The following ACER3 variants were observed in gnomAD, a reference collection of about 807,000 sequenced individuals.
ACER3 encodes the protein alkaline ceramidase 3, also known as alkCDase 3.
A neutral mutation model predicts 48.9 loss-of-function variants in ACER3; 16 were observed. The observed-to-expected ratio is 0.33, with a 90% CI of 0.22 to 0.50. The LOEUF is 0.50. ACER3 is among the 20% of genes least tolerant of loss of function. The pLI is 0.98. For missense variants in ACER3, 227 were observed against 326.0 expected (o/e 0.70, Z 2.34); for synonymous variants, 109 against 107.8 (o/e 1.01, Z -0.07).
chr11:76,908,636 T>C (rs552630804), intron 1 of ACER3, among the ~76,000 whole-genome samples: 47 of 152,242 alleles, frequency 3.1e-4, no homozygotes, highest in Non-Finnish European at 2.9e-5. Flanking sequence ...TGCTCACAGA[T>C]AGAAAGAATC....
intron 7 of ACER3, 91 bp downstream of exon 7, chr11:76,998,912 G>T: frequency 2.0e-6 from 2 of 988,664 alleles, no homozygotes; most frequent in South Asian, 1.8e-5. Context: ...ACACATAAAA[G>T]CTCACTTCAG....
chr11:77,002,614 A>G (rs1334767547), intron 7 of ACER3, among the ~76,000 whole-genome samples: 1 of 152,184 alleles, frequency 6.6e-6, no homozygotes. Context: ...ATTTCATTAA[A>G]TGATTTGGGA....
chr11:77,022,172 A>C lies in ACER3; in HGVS notation c.*1845A>C, dbSNP rs1298381293. 6.6e-6 allele frequency: 1 copy of C among 152,236 alleles called. No individual in the cohort carries two copies. Among genetic ancestry groups the C allele is most frequent in the African/African-American group, 2.4e-5 (1 of 41,464 alleles). The allele number at this position is 152,236 out of a possible 1,614,324, so 9.4% of individuals were successfully genotyped here. ...ACTTCTGCATAAAGAGTATATATAC[A>C]GTGTAGGATAAAGGCATATCGTACA... On this transcript the variant is annotated 3_prime_UTR_variant, in exon 11 of 11. Coordinates refer to ENST00000532485, the MANE Select transcript of ACER3 (RefSeq NM_018367.7).
intron 7 of ACER3, among the ~76,000 whole-genome samples, chr11:77,008,909 A>C (rs1796201130): frequency 6.6e-6 from 1 of 152,052 alleles, no homozygotes; most frequent in Non-Finnish European, 1.5e-5. Context: ...GAAATTTAAA[A>C]ATTAGCCAGG....
chr11:76,969,817 G>T, intron 3 of ACER3, among the ~76,000 whole-genome samples: 1 of 110,640 alleles, frequency 9.0e-6, no homozygotes, highest in African/African-American at 3.7e-5. Flanking sequence ...AGGGGGGAGG[G>T]ATAGCATTAG....
At chr11:76,960,237 C>T (rs1565200686) in intron 3 of ACER3, among the ~76,000 whole-genome samples, 2 of 152,002 alleles carry the variant, frequency 1.3e-5, no homozygotes, top group South Asian at 2.1e-4. Flanking sequence ...GTGGAAACCC[C>T]GTCTCTACTA....
chr11:76,959,341 A>G, intron 3 of ACER3: 1 of 731,062 alleles, frequency 1.4e-6, no homozygotes, highest in Non-Finnish European at 1.9e-6. Context: ...CACCAGAACA[A>G]TATATTCTTA....
intron 4 of ACER3, among the ~76,000 whole-genome samples, chr11:76,984,536 A>G (rs1045618855): frequency 6.6e-6 from 1 of 152,198 alleles, no homozygotes; most frequent in Non-Finnish European, 1.5e-5. Context: ...GCCTATACCA[A>G]GTCACAGTCC....
intron 1 of ACER3, among the ~76,000 whole-genome samples, chr11:76,913,052 TG>T (rs1565173319): frequency 6.6e-6 from 1 of 152,304 alleles, no homozygotes; most frequent in East Asian, 1.9e-4. Flanking sequence ...AAAAAAACAA[TG>T]GTTTGTAGTT....
chr11:76,897,913 G>C (rs1945976403), intron 1 of ACER3, among the ~76,000 whole-genome samples: 1 of 152,188 alleles, frequency 6.6e-6, no homozygotes, highest in East Asian at 1.9e-4. Flanking sequence ...TTGGGATATA[G>C]TAGAAGTTCT....
At chr11:76,995,437 C>A (rs975267512) in intron 6 of ACER3, among the ~76,000 whole-genome samples, 3 of 152,136 alleles carry the variant, frequency 2.0e-5, no homozygotes, top group African/African-American at 7.2e-5. Flanking sequence ...CCTGATTTAA[C>A]TTTTATTAGT....
chr11:76,988,099 A>G (rs1168263106), intron 5 of ACER3, among the ~76,000 whole-genome samples: 1 of 152,242 alleles, frequency 6.6e-6, no homozygotes, highest in Non-Finnish European at 1.5e-5. Context: ...TCTAGAAGTG[A>G]AAAATGGAAG....
At chr11:76,888,317 G>A (rs1054719788) in intron 1 of ACER3, among the ~76,000 whole-genome samples, 1 of 152,152 alleles carries the variant, frequency 6.6e-6, no homozygotes, top group Non-Finnish European at 1.5e-5. Flanking sequence ...TATATTGAAT[G>A]TATTCCTTAA....
At chr11:76,869,153 C>T (rs1424102359) in intron 1 of ACER3, among the ~76,000 whole-genome samples, 1 of 152,204 alleles carries the variant, frequency 6.6e-6, no homozygotes, top group African/African-American at 2.4e-5. Context: ...GGAGCTGACA[C>T]TATCTCGAGG....
At chr11:76,901,704 G>A (rs1391393480) in intron 1 of ACER3, among the ~76,000 whole-genome samples, 2 of 152,090 alleles carry the variant, frequency 1.3e-5, no homozygotes, top group Non-Finnish European at 2.9e-5. Context: ...AGCAAGCAGG[G>A]GGTACGTGAC....
chr11:76,986,354 T>C (rs1238484639), intron 5 of ACER3, among the ~76,000 whole-genome samples: 1 of 152,186 alleles, frequency 6.6e-6, no homozygotes, highest in African/African-American at 2.4e-5. Context: ...AAACTACTTA[T>C]ATGGTGATGA....
At chr11:76,971,264 G>A (rs564174944) in intron 3 of ACER3, among the ~76,000 whole-genome samples, 1 of 152,068 alleles carries the variant, frequency 6.6e-6, no homozygotes, top group South Asian at 2.1e-4. Flanking sequence ...CTAATAGGCC[G>A]AGCGCAGTGG....
intron 2 of ACER3, among the ~76,000 whole-genome samples, chr11:76,929,030 G>C (rs547191596): frequency 1.3e-5 from 2 of 152,130 alleles, no homozygotes; most frequent in Non-Finnish European, 2.9e-5. Context: ...GGATGGCATT[G>C]AATCTATAAA....
chr11:76,961,954 C>A (rs1323434286), intron 3 of ACER3, among the ~76,000 whole-genome samples: 1 of 150,550 alleles, frequency 6.6e-6, no homozygotes, highest in Non-Finnish European at 1.5e-5. Context: ...CTTAATCAAG[C>A]AACCTAATCA....
Sources: allele counts gnomAD v4.1 joint callset (sites outside exome capture counted in the v4.1 genomes callset), GRCh38; gene constraint gnomAD v4.1.1; transcripts MANE v1.5; gene names NCBI Gene and HGNC (gene_info 2026-07-23, HGNC 2026-07-21).